The following TMEM239 variants were observed in gnomAD, a reference collection of about 807,000 sequenced individuals.
The protein encoded by TMEM239 is transmembrane protein 239.
A neutral mutation model predicts 14.6 loss-of-function variants in TMEM239; 10 were observed. That is an observed-to-expected ratio of 0.68 (90% CI 0.42 to 1.16). The LOEUF is 1.16. Among genes scored for constraint, TMEM239 ranks in the 50% most tolerant of loss-of-function variants. The pLI, the probability that TMEM239 is intolerant of heterozygous loss-of-function variation, is 0.00. For synonymous variants in TMEM239, 94 were observed against 89.9 expected (o/e 1.05, Z -0.26); for missense variants, 183 against 194.4 (o/e 0.94, Z 0.35).
rs1316381243 is a variant in TMEM239, at chr20:2,817,212, G to A, written c.*199G>A. The A allele has an allele frequency of 4.3e-6, 3 of 704,080 alleles. No homozygotes were observed. Among genetic ancestry groups the A allele is most frequent in the South Asian group, 3.8e-5 (2 of 52,094 alleles). 43.6% of individuals were successfully genotyped at this position (704,080 alleles called of 1,614,324 possible). On this transcript the variant is annotated 3_prime_UTR_variant, in exon 2 of 2. Transcript: ENST00000380585. ...GCAGGTTCCTGGTGTGAGGGGCTGG[G>A]GGCTTTGAGAAGAGGGGGCAAGACA...
At chr20:2,816,436 C>A in intron 1 of TMEM239, 21 bp downstream of exon 1, 1 of 1,535,616 alleles carries the variant, frequency 6.5e-7, no homozygotes, top group Non-Finnish European at 8.7e-7. Flanking sequence ...GTCCCTAATT[C>A]TGTAGCCCCA....
rs2088689183 is a variant in TMEM239, at chr20:2,817,311, G to A, written c.*298G>A. On this transcript the variant is annotated 3_prime_UTR_variant, in exon 2 of 2. Transcript: ENST00000380585. ...CCAAGCCACTGATAGCGCCCATATG[G>A]ATGTGATGATACCCGTGGGGCCCCC... is the stretch of plus-strand genomic sequence containing the variant. 3.6e-6 allele frequency: 2 copies of A among 555,228 alleles called. No homozygotes were observed. The highest frequency in any genetic ancestry group is 6.4e-6 in the Non-Finnish European group (2 of 314,362). 34.4% of individuals were successfully genotyped at this position (555,228 alleles called of 1,614,324 possible).
Position 2,816,891 on chromosome 20 carries a change from A to C in TMEM239, c.337A>C (p.Ser113Arg), listed in dbSNP as rs1010022220. The C allele has an allele frequency of 1.3e-6, 2 of 1,542,728 alleles. No individual in the cohort carries two copies. Among genetic ancestry groups the C allele is most frequent in the Middle Eastern group, 1.7e-4 (1 of 5,994 alleles). The change falls in exon 2 of 2, where the codon AGT becomes CGT. Residue 113 changes from serine to arginine, a missense_variant. Transcript: ENST00000380585. The stretch of plus-strand genomic sequence containing the variant: ...ACCGGCTCTCCTGCTGCTGGTGCTC[A>C]GTGCTCTGCCTGCCCTCCTCTTCAC... The part of the protein sequence containing the change: ...LLPALLLLVL[S>R]ALPALLFTAS...
chr20:2,815,864 G>A (rs547016963), upstream of TMEM239: 23 of 1,133,960 alleles, frequency 2.0e-5, no homozygotes, highest in African/African-American at 3.0e-5. Flanking sequence ...GGCTGGGCAG[G>A]TGGGATGATA....
At chr20:2,816,261 A>G (rs2146579236), upstream of TMEM239, 1 of 1,374,466 alleles carries the variant, frequency 7.3e-7, no homozygotes, top group African/African-American at 1.4e-5. Context: ...CACACCCTAC[A>G]GTGACTCCTC....
At chr20:2,819,461 T>G (rs1380350884), downstream of TMEM239, 1 of 152,160 alleles carries the variant, frequency 6.6e-6, no homozygotes, top group Admixed American at 6.6e-5. Context: ...CAGAGGTCCA[T>G]AAGGGCCTTG....
downstream of TMEM239, chr20:2,818,837 T>G (rs2088701917): frequency 6.6e-6 from 1 of 152,264 alleles, no homozygotes; most frequent in South Asian, 2.1e-4. Context: ...GTGAAGGACC[T>G]GGGACCACTC....
At chr20:2,815,944 G>A, upstream of TMEM239, 2 of 665,102 alleles carry the variant, frequency 3.0e-6, no homozygotes. Context: ...CTGAGTCTTT[G>A]GGCAGCAAGA....
chr20:2,816,824 C>A lies in TMEM239; in HGVS notation c.270C>A (p.Ser90Arg). 6.4e-7 allele frequency: 1 copy of A among 1,550,596 alleles called. No homozygotes were observed. Among genetic ancestry groups the A allele is most frequent in the Non-Finnish European group, 8.7e-7 (1 of 1,147,004 alleles). The change falls in exon 2 of 2, where the codon AGC (serine) becomes AGA (arginine). Residue 90 changes from serine (S) to arginine (R), a missense_variant. Coordinates refer to ENST00000380585, the MANE Select transcript of TMEM239 (RefSeq NM_001167670.3). ...TCACCACTGGCTCCCACCTGCTGAG[C>A]TCCTTGTGGCCTGTCGTGGCCGCGG... is the stretch of plus-strand genomic sequence containing the variant. ...ALFTTGSHLL[S>R]SLWPVVAAVW...
chr20:2,815,879 T>A (rs1455736792), upstream of TMEM239: 8 of 943,772 alleles, frequency 8.5e-6, no homozygotes, highest in Non-Finnish European at 1.3e-5. Context: ...ATGATACCCC[T>A]TTCTTCCCAG....
At chr20:2,815,826 C>G (rs766831282), upstream of TMEM239, 1 of 1,469,732 alleles carries the variant, frequency 6.8e-7, no homozygotes, top group South Asian at 1.2e-5. Flanking sequence ...GACCACCCTT[C>G]TTCATCAGGC....
upstream of TMEM239, chr20:2,816,328 G>A: frequency 6.5e-7 from 1 of 1,535,792 alleles, no homozygotes; most frequent in Non-Finnish European, 8.7e-7. Flanking sequence ...GGGGAGGGTG[G>A]GGGTAGATGA....
chr20:2,816,627 T>A lies in TMEM239; in HGVS notation c.73T>A (p.Ser25Thr). 6.5e-7 allele frequency: 1 copy of A among 1,539,690 alleles called. No individual in the cohort carries two copies. The highest frequency in any genetic ancestry group is 8.7e-7 in the Non-Finnish European group (1 of 1,146,750). Residue 25 changes from serine (S) to threonine (T), a missense_variant, in exon 2 of 2, where the codon TCA becomes ACA. By Grantham distance (58) the Ser-to-Thr change is moderately conservative. Transcript: ENST00000380585. ...GGGGCCACAGCAGGCAGTGCCCTGG[T>A]CAGCCTGGGTCACGAGGCATGGCTG... ...GEGPQQAVPW[S>T]AWVTRHGWVR...
Position 2,817,160 on chromosome 20 carries a change from C to A in TMEM239, c.*147C>A. ...TCCCTAACAGGTAGACTGGCCTGAC[C>A]CCGGACTCCTTCCTCAAGTCAATGC... On this transcript the variant is annotated 3_prime_UTR_variant, in exon 2 of 2. Coordinates refer to ENST00000380585, the MANE Select transcript of TMEM239 (RefSeq NM_001167670.3). The A allele has an allele frequency of 9.6e-7, 1 of 1,036,880 alleles. No homozygotes were observed. Among genetic ancestry groups the A allele is most frequent in the Non-Finnish European group, 1.4e-6 (1 of 731,522 alleles). The allele number at this position is 1,036,880 out of a possible 1,614,324, so 64.2% of individuals were successfully genotyped here.
upstream of TMEM239, chr20:2,816,357 G>T: frequency 6.5e-7 from 1 of 1,535,942 alleles, no homozygotes; most frequent in Non-Finnish European, 8.7e-7. Flanking sequence ...ACTTGGATCT[G>T]CCTGCCAGGC....
upstream of TMEM239, chr20:2,815,826 C>T: frequency 6.8e-7 from 1 of 1,469,732 alleles, no homozygotes; most frequent in Non-Finnish European, 9.3e-7. Flanking sequence ...GACCACCCTT[C>T]TTCATCAGGC....
At chr20:2,816,499 C>CA in intron 1 of TMEM239, 45 bp from the exon 2 acceptor site, 1 of 1,531,236 alleles carries the variant, frequency 6.5e-7, no homozygotes, top group African/African-American at 1.4e-5. Context: ...CTGCCCCCCC[C>CA]CCCCAAGGTC....
In TMEM239 at chr20:2,817,286, CCAAG is replaced by C. The variant is rs1350550300; in HGVS notation, c.*275_*278del. 4 of 585,826 alleles carry C rather than the reference CCAAG, an allele frequency of 6.8e-6. No individual in the cohort carries two copies. In the African/African-American group the frequency reaches 7.4e-5, roughly 11 times the overall value. The allele number at this position is 585,826 out of a possible 1,614,324, so 36.3% of individuals were successfully genotyped here. A position where few individuals can be genotyped will look rare whatever the true frequency, so the allele number is the denominator to read the frequency against. ...TTGCTTAGCCAGGGGCAGAGCTTGA[CCAAG>C]CCACTGATAGCGCCCATATGGATGT... On this transcript the variant is annotated 3_prime_UTR_variant, in exon 2 of 2. Transcript: ENST00000380585.
rs1261943732 is a variant in TMEM239 at position 2,817,806 on chromosome 20, G to A, written c.*793G>A. On this transcript the variant is annotated 3_prime_UTR_variant, in exon 2 of 2. Transcript: ENST00000380585. ...GGGCCACTTCTGTCATGGGGTTGTTGTGAGTCAAAGACAATATCTATTTGT... is the reference window on the plus strand; with the variant it reads ...GGGCCACTTCTGTCATGGGGTTGTTATGAGTCAAAGACAATATCTATTTGT... 1 of 152,262 alleles carries A rather than the reference G, an allele frequency of 6.6e-6. No homozygotes were observed. The highest frequency in any genetic ancestry group is 1.5e-5 in the Non-Finnish European group (1 of 68,068). 9.4% of individuals were successfully genotyped at this position (152,262 alleles called of 1,614,324 possible). A position where few individuals can be genotyped will look rare whatever the true frequency, so the allele number is the denominator to read the frequency against.
Sources: allele counts gnomAD v4.1 joint callset, GRCh38; gene constraint gnomAD v4.1.1; transcripts MANE v1.5; gene names NCBI Gene and HGNC (gene_info 2026-07-23, HGNC 2026-07-21).